RGS12: variants seen among roughly 807,000 people sequenced by gnomAD.
The protein encoded by RGS12 is regulator of G-protein signaling 12.
In RGS12, 66 loss-of-function variants were observed where a neutral mutation model predicts 120.1. The ratio of observed to expected loss-of-function variants is 0.55; its 90% confidence interval spans 0.45 to 0.67. The LOEUF (loss-of-function observed/expected upper bound fraction) is 0.67. RGS12 is among the 30% of genes least tolerant of loss of function. The pLI, the probability that RGS12 is intolerant of heterozygous loss-of-function variation, is 0.00. For synonymous variants in RGS12, 827 were observed against 804.7 expected, an observed-to-expected ratio of 1.03 and a Z score of -0.47; for missense variants, 1,859 against 1,957.7, an observed-to-expected ratio of 0.95 and a Z score of 0.95.
chr4:3,298,754 T>C (rs1295890819), intron 1 of RGS12, among the ~76,000 whole-genome samples: 2 of 152,226 alleles, frequency 1.3e-5, no homozygotes, highest in African/African-American at 4.8e-5. Context: ...TTTTTCACCA[T>C]CTTCAAACTG....
At chr4:3,428,766 A>C (rs1723942138) in intron 16 of RGS12, 55 bp downstream of exon 16, 62 of 1,443,004 alleles carry the variant, frequency 4.3e-5, no homozygotes, top group Non-Finnish European at 5.8e-5. Context: ...GTTAGTTTCC[A>C]GTATAGTCAG....
At chr4:3,331,178 GT>G (rs1449318136) in intron 2 of RGS12, among the ~76,000 whole-genome samples, 1 of 152,110 alleles carries the variant, frequency 6.6e-6, no homozygotes, top group African/African-American at 2.4e-5. Flanking sequence ...TTAATATCCT[GT>G]TTTGGTGTAA....
chr4:3,320,784 A>G lies in RGS12; in HGVS notation c.1881+2733A>G, dbSNP rs185143567. ...AGCTTCCAGGGGTCATGAGGCGGCCACAAGATGGGTCCGGACGTCGCCGTG... is the reference window on the plus strand; with the variant it reads ...AGCTTCCAGGGGTCATGAGGCGGCCGCAAGATGGGTCCGGACGTCGCCGTG... On this transcript the variant is annotated intron_variant, in intron 2 of 17. Coordinates refer to ENST00000336727, the MANE Select transcript of RGS12 (RefSeq NM_001394154.1). Among the ~76,000 whole-genome samples, 572 of 152,264 alleles carry G rather than the reference A, an allele frequency of 3.8e-3. 3 individuals are homozygous for G. Among genetic ancestry groups the G allele is most frequent in the Non-Finnish European group, 7.0e-3 (478 of 68,010 alleles).
rs150397484 is a variant in RGS12, at chr4:3,352,826, T to G, written c.1998+9773T>G. On this transcript the variant is annotated intron_variant, in intron 3 of 17. Transcript: ENST00000336727. ...GCATTTGAACCCTGCCTTCCCAACCTTCCCTAGCTCTGTTGATCAGGGTTT... is the reference window on the plus strand; with the variant it reads ...GCATTTGAACCCTGCCTTCCCAACCGTCCCTAGCTCTGTTGATCAGGGTTT... Among the ~76,000 whole-genome samples, 238 of 152,312 alleles carry G rather than the reference T, an allele frequency of 1.6e-3. 2 individuals carry two copies. The highest frequency in any genetic ancestry group is 5.4e-3 in the African/African-American group (226 of 41,568).
Position 3,415,916 on chromosome 4 carries a change from C to A in RGS12, c.2284-62C>A. 2 of 1,536,740 alleles carry A rather than the reference C, an allele frequency of 1.3e-6. 1 individual carries two copies. On this transcript the variant is annotated intron_variant, in intron 6 of 17. Coordinates refer to ENST00000336727, the MANE Select transcript of RGS12 (RefSeq NM_001394154.1). ...AGAGCCCGGGGGTGTCGGGCCTTGGCAGGCAGCAGGAGTGCGGGGAGAGGA... is the reference window on the plus strand; with the variant it reads ...AGAGCCCGGGGGTGTCGGGCCTTGGAAGGCAGCAGGAGTGCGGGGAGAGGA...
chr4:3,407,513 G>C (rs895900490), intron 4 of RGS12: 1 of 152,422 alleles, frequency 6.6e-6, no homozygotes, highest in African/African-American at 2.4e-5. Flanking sequence ...GTGGTTTGCA[G>C]TGCATGGTTG....
chr4:3,324,954 A>G (rs1045597161), intron 2 of RGS12, among the ~76,000 whole-genome samples: 2 of 152,174 alleles, frequency 1.3e-5, no homozygotes, highest in African/African-American at 4.8e-5. Flanking sequence ...TACCTTGGCC[A>G]TTTTTCTACC....
In RGS12 at chr4:3,322,832, G is replaced by A. The variant is rs980623776; in HGVS notation, c.1881+4781G>A. On this transcript the variant is annotated intron_variant, in intron 2 of 17. Transcript: ENST00000336727. ...TAAAGACTCGCTGAGGTGCTCAGTC[G>A]TTTGTAGGTACTCCCAGGAGTCCTG... 1.1e-4 allele frequency among the ~76,000 whole-genome samples: 17 copies of A among 152,292 alleles called. No homozygotes were observed. The East Asian group carries it at 1.9e-3, about 17-fold the overall frequency.
At chr4:3,393,845 G>A (rs751055359) in intron 4 of RGS12, among the ~76,000 whole-genome samples, 36 of 152,268 alleles carry the variant, frequency 2.4e-4, no homozygotes, top group Middle Eastern at 3.4e-3. Context: ...GGTCATGACG[G>A]CACCTTGTAC....
chr4:3,316,026 A>C, intron 1 of RGS12, 44 bp from the exon 2 acceptor site: 1 of 736,460 alleles, frequency 1.4e-6, no homozygotes, highest in Non-Finnish European at 2.2e-6. Flanking sequence ...GTGGTGGAGA[A>C]AGATGGGCTC....
At chr4:3,399,939 C>T (rs779519588) in intron 4 of RGS12, among the ~76,000 whole-genome samples, 2 of 152,160 alleles carry the variant, frequency 1.3e-5, no homozygotes, top group Admixed American at 1.3e-4. Context: ...GCCTTGTGGC[C>T]GAGGGAAAAG....
chr4:3,390,701 G>A lies in RGS12; in HGVS notation c.2020+4264G>A, dbSNP rs139044557. 2.0e-4 allele frequency among the ~76,000 whole-genome samples: 31 copies of A among 152,316 alleles called. No homozygotes were observed. Among genetic ancestry groups the A allele is most frequent in the African/African-American group, 7.2e-4 (30 of 41,566 alleles). On this transcript the variant is annotated intron_variant, in intron 4 of 17. Transcript: ENST00000336727. This position sits in a 1 kb window ranked among gnomAD's most constrained non-coding sequence, Gnocchi z 4.6. ...CCTGCAGCTCCACAGCTGACAGGCCGATCTCTTGGGGCAAGTCACTTTCTC... is the reference window on the plus strand; with the variant it reads ...CCTGCAGCTCCACAGCTGACAGGCCAATCTCTTGGGGCAAGTCACTTTCTC...
Position 3,365,305 on chromosome 4 carries a change from G to A in RGS12, c.1999-21111G>A, listed in dbSNP as rs1165812968. ...AGAGTGGGGTCGAGTGCGTGGTGTCGCCTGCACAGCGGGCAGTGCCTACTC... is the reference window on the plus strand; with the variant it reads ...AGAGTGGGGTCGAGTGCGTGGTGTCACCTGCACAGCGGGCAGTGCCTACTC... On this transcript the variant is annotated intron_variant, in intron 3 of 17. Coordinates refer to ENST00000336727, the MANE Select transcript of RGS12 (RefSeq NM_001394154.1). The surrounding 1 kb of genome is among the most constrained non-coding windows in gnomAD (Gnocchi z 4.0). 6.6e-6 allele frequency among the ~76,000 whole-genome samples: 1 copy of A among 152,138 alleles called. No homozygotes were observed. Among genetic ancestry groups the A allele is most frequent in the African/African-American group, 2.4e-5 (1 of 41,426 alleles).
At position 3,316,691 on chromosome 4, in the gene RGS12, C is replaced by G. The variant is rs374671224; in HGVS notation, c.521C>G (p.Ser174Trp). 1 of 1,613,956 alleles carries G rather than the reference C, an allele frequency of 6.2e-7. No individual in the cohort carries two copies. The highest frequency in any genetic ancestry group is 8.5e-7 in the Non-Finnish European group (1 of 1,180,036). The change falls in exon 2 of 18, where the codon TCG becomes TGG. Residue 174 changes from serine (S) to tryptophan (W), a missense_variant. By Grantham distance (177) the Ser-to-Trp change is radical. This residue lies in a region of RGS12 where 967 missense variants were observed against 994.2 expected (regional missense o/e 0.97). Coordinates refer to ENST00000336727, the MANE Select transcript of RGS12 (RefSeq NM_001394154.1). ...TTGAAACAAAGATCCCTTTCAGAGT[C>G]GGCCGCAACTCGATTTGATGTTGGA... ...LKLKQRSLSESAATRFDVGHE... is the reference protein window; with the variant it reads ...LKLKQRSLSEWAATRFDVGHE...
intron 2 of RGS12, among the ~76,000 whole-genome samples, chr4:3,337,285 C>T (rs1420202681): frequency 6.6e-6 from 1 of 152,186 alleles, no homozygotes; most frequent in Non-Finnish European, 1.5e-5. Flanking sequence ...CCAAGTGCCG[C>T]ACCCACCATG....
chr4:3,422,793 GT>G, intron 11 of RGS12, 111 bp from the exon 12 acceptor site: 2 of 1,096,716 alleles, frequency 1.8e-6, no homozygotes, highest in South Asian at 1.3e-5. Flanking sequence ...TTGGATGGCT[GT>G]TTTTGAAGCT....
the RGS12 span, among the ~76,000 whole-genome samples, chr4:3,287,113 C>T: frequency 6.6e-6 from 1 of 152,170 alleles, no homozygotes; most frequent in Admixed American, 6.5e-5. Flanking sequence ...GAGCTCTGAG[C>T]GCTACCTGCT....
At chr4:3,406,984 C>G (rs1721200258) in intron 4 of RGS12, among the ~76,000 whole-genome samples, 1 of 152,140 alleles carries the variant, frequency 6.6e-6, no homozygotes, top group Non-Finnish European at 1.5e-5. Flanking sequence ...TGATCACCTG[C>G]TTATAAAAAG....
chr4:3,307,786 TA>T (rs1477762623), intron 1 of RGS12, among the ~76,000 whole-genome samples: 1 of 152,236 alleles, frequency 6.6e-6, no homozygotes, highest in African/African-American at 2.4e-5. Flanking sequence ...AGAACTCCTT[TA>T]AGTGCCCTGG....
Sources: allele counts gnomAD v4.1 joint callset (sites outside exome capture counted in the v4.1 genomes callset), GRCh38; gene constraint gnomAD v4.1.1; regional missense constraint gnomAD v4.1.1; non-coding constraint Gnocchi (gnomAD v3.1); transcripts MANE v1.5; gene names NCBI Gene and HGNC (gene_info 2026-07-23, HGNC 2026-07-21).